The following REC114 variants were observed in gnomAD, a reference collection of about 807,000 sequenced individuals.
The protein encoded by REC114 is REC114 meiotic recombination protein, also known as meiotic recombination protein REC114.
REC114 carries 27 observed loss-of-function variants against 31.3 expected under a neutral mutation model. The observed-to-expected ratio is 0.86, with a 90% CI of 0.64 to 1.19. The LOEUF (loss-of-function observed/expected upper bound fraction) is 1.19. REC114 is among the 50% of genes most tolerant of loss of function. REC114 has a pLI of 0.00. For missense variants in REC114, 344 were observed against 326.9 expected, an observed-to-expected ratio of 1.05 and a Z score of -0.40; for synonymous variants, 134 against 127.7, an observed-to-expected ratio of 1.05 and a Z score of -0.33.
chr15:73,506,493 A>G (rs1227782581), intron 2 of REC114, among the ~76,000 whole-genome samples: 2 of 152,248 alleles, frequency 1.3e-5, no homozygotes, highest in Non-Finnish European at 2.9e-5. Flanking sequence ...CTGAAGTGCC[A>G]CTAGAAATGA....
rs762371738 is a variant in REC114 at position 73,550,986 on chromosome 15, C to T, written c.382C>T (p.Gln128Ter). The change falls in exon 4 of 6, where the codon CAG becomes TAG. Residue 128 changes from glutamine to a stop codon, truncating the protein, a stop_gained. Transcript: ENST00000331090. LOFTEE classifies it high-confidence loss of function. ...RVQFSGESKEQALEHCCSCVQ... is the reference protein window; with the variant it reads ...RVQFSGESKE ...ACAGTTCAGTGGAGAGTCAAAGGAGCAGGCGCTGGAACACTGCTGCAGTTG... is the reference window on the plus strand; with the variant it reads ...ACAGTTCAGTGGAGAGTCAAAGGAGTAGGCGCTGGAACACTGCTGCAGTTG... The T allele has an allele frequency of 6.2e-7, 1 of 1,613,854 alleles. No homozygotes were observed. Among genetic ancestry groups the T allele is most frequent in the Admixed American group, 1.7e-5 (1 of 60,010 alleles).
chr15:73,539,270 A>T (rs1476255162), intron 2 of REC114, among the ~76,000 whole-genome samples: 1 of 142,370 alleles, frequency 7.0e-6, no homozygotes, highest in Non-Finnish European at 1.5e-5. Flanking sequence ...TAGAGGTAGC[A>T]TTTCAGAACT....
intron 2 of REC114, among the ~76,000 whole-genome samples, chr15:73,522,324 A>G (rs1893947515): frequency 6.6e-6 from 1 of 152,188 alleles, no homozygotes; most frequent in South Asian, 2.1e-4. Context: ...TGTTGCCAGC[A>G]TAGTCTTTCC....
At chr15:73,544,424 G>A (rs965605612) in intron 3 of REC114, among the ~76,000 whole-genome samples, 1 of 151,950 alleles carries the variant, frequency 6.6e-6, no homozygotes, top group Non-Finnish European at 1.5e-5. Context: ...TCCTTTTATA[G>A]CAATTTAATA....
At chr15:73,534,999 TC>T (rs1894135272) in intron 2 of REC114, among the ~76,000 whole-genome samples, 1 of 142,450 alleles carries the variant, frequency 7.0e-6, no homozygotes, top group East Asian at 2.0e-4. Flanking sequence ...CTAAAAACTC[TC>T]AATAAATTAG....
intron 1 of REC114, among the ~76,000 whole-genome samples, chr15:73,449,752 G>T (rs1017033515): frequency 6.6e-6 from 1 of 152,146 alleles, no homozygotes; most frequent in African/African-American, 2.4e-5. Context: ...CAGAGAGAAA[G>T]GTTGGGTAAC....
intron 2 of REC114, among the ~76,000 whole-genome samples, chr15:73,516,979 A>G (rs911573221): frequency 6.6e-6 from 1 of 152,318 alleles, no homozygotes; most frequent in Middle Eastern, 3.4e-3. Context: ...AAAACACTCC[A>G]TCGATTTCAT....
At chr15:73,529,107 T>G (rs1894042209) in intron 2 of REC114, among the ~76,000 whole-genome samples, 1 of 151,826 alleles carries the variant, frequency 6.6e-6, no homozygotes, top group African/African-American at 2.4e-5. Flanking sequence ...TAAGAGGTCC[T>G]TAGCTTTTTA....
intron 1 of REC114, among the ~76,000 whole-genome samples, chr15:73,445,608 C>T (rs1398402175): frequency 6.6e-6 from 1 of 152,080 alleles, no homozygotes; most frequent in Admixed American, 6.6e-5. Context: ...TTTCCTTTCA[C>T]CTTAACACTT....
chr15:73,514,296 T>C (rs999497603), intron 2 of REC114, among the ~76,000 whole-genome samples: 2 of 151,776 alleles, frequency 1.3e-5, no homozygotes, highest in African/African-American at 4.9e-5. Context: ...CGCGCCCTGC[T>C]TCGGCTCGCG....
rs528272984 is a variant in REC114 at position 73,558,989 on chromosome 15, C to T, written c.637-763C>T. 5.3e-5 allele frequency among the ~76,000 whole-genome samples: 8 copies of T among 152,322 alleles called. No homozygotes were observed. The South Asian group carries it at 8.3e-4, about 16-fold the overall frequency. ...GCAATAAAAATGAATTACTGCTATA[C>T]TCAACATCATGGATTAATCCCAAAT... On this transcript the variant is annotated intron_variant, in intron 5 of 5. Coordinates refer to ENST00000331090, the MANE Select transcript of REC114 (RefSeq NM_001042367.2).
chr15:73,501,689 C>T (rs1352889133), intron 2 of REC114, among the ~76,000 whole-genome samples: 3 of 152,198 alleles, frequency 2.0e-5, no homozygotes, highest in African/African-American at 7.2e-5. Context: ...AATTGATCCA[C>T]TCACCTCAGT....
intron 1 of REC114, among the ~76,000 whole-genome samples, chr15:73,466,631 G>T (rs1229766154): frequency 6.6e-6 from 1 of 152,050 alleles, no homozygotes; most frequent in Non-Finnish European, 1.5e-5. Context: ...TAAAATTGTT[G>T]ATATGTTTTA....
At chr15:73,559,667 C>T (rs927485558) in intron 5 of REC114, 85 bp from the exon 6 acceptor site, 1 of 1,285,678 alleles carries the variant, frequency 7.8e-7, no homozygotes, top group Non-Finnish European at 1.0e-6. Flanking sequence ...GCTAATCTTT[C>T]CTTAAAGCAC....
At chr15:73,481,884 C>T (rs1893299685) in intron 2 of REC114, among the ~76,000 whole-genome samples, 1 of 152,036 alleles carries the variant, frequency 6.6e-6, no homozygotes, top group Non-Finnish European at 1.5e-5. Context: ...TGGTCTCAAA[C>T]TCCTGAGCTT....
intron 2 of REC114, among the ~76,000 whole-genome samples, chr15:73,485,939 A>G (rs990382358): frequency 2.6e-5 from 4 of 152,150 alleles, no homozygotes; most frequent in African/African-American, 9.7e-5. Flanking sequence ...TATTTCTCTT[A>G]TAAAGACAGT....
At chr15:73,529,561 T>C (rs1167124800) in intron 2 of REC114, among the ~76,000 whole-genome samples, 2 of 152,192 alleles carry the variant, frequency 1.3e-5, no homozygotes, top group Admixed American at 6.5e-5. Flanking sequence ...GGCCATGTTA[T>C]GAAAATTGTG....
Position 73,515,932 on chromosome 15 carries a change from C to A in REC114, c.250-24553C>A, listed in dbSNP as rs532377285. On this transcript the variant is annotated intron_variant, in intron 2 of 5. Transcript: ENST00000331090. ...ACATGATAGCTACTTTTATATTTTG[C>A]GCATAATCCATTTTACTAACAAGGA... Among the ~76,000 whole-genome samples, 29 of 151,814 alleles carry A rather than the reference C, an allele frequency of 1.9e-4. No individual in the cohort carries two copies. In the East Asian group the frequency reaches 4.6e-3, roughly 24 times the overall value.
intron 1 of REC114, among the ~76,000 whole-genome samples, chr15:73,448,074 C>G (rs2151249922): frequency 6.6e-6 from 1 of 151,916 alleles, no homozygotes; most frequent in East Asian, 1.9e-4. Context: ...TGGGCAGACA[C>G]TGAGCTAGCT....
Sources: allele counts gnomAD v4.1 joint callset (sites outside exome capture counted in the v4.1 genomes callset), GRCh38; gene constraint gnomAD v4.1.1; transcripts MANE v1.5; gene names NCBI Gene and HGNC (gene_info 2026-07-23, HGNC 2026-07-21).